Variants in RAPGEF4 observed in about 807,000 individuals in gnomAD.
RAPGEF4 encodes Rap guanine nucleotide exchange factor 4.
A neutral mutation model predicts 147.9 loss-of-function variants in RAPGEF4; 66 were observed. The ratio of observed to expected loss-of-function variants is 0.45; its 90% CI spans 0.37 to 0.55. The LOEUF (loss-of-function observed/expected upper bound fraction) is 0.55, where lower values mean the gene tolerates loss of function less well. Among genes scored for constraint, RAPGEF4 ranks in the 20% least tolerant of loss-of-function variants. The pLI, the probability that RAPGEF4 is intolerant of heterozygous loss-of-function variation, is 0.00. For synonymous variants in RAPGEF4, 419 were observed against 442.7 expected, an observed-to-expected ratio of 0.95 and a Z score of 0.67; for missense variants, 1,071 against 1,257.3, an observed-to-expected ratio of 0.85 and a Z score of 2.24.
At chr2:172,958,747 G>A (rs1688988174) in intron 6 of RAPGEF4, among the ~76,000 whole-genome samples, 1 of 152,204 alleles carries the variant, frequency 6.6e-6, no homozygotes, top group South Asian at 2.1e-4. Flanking sequence ...ATGCCAGCGA[G>A]GTGATGAAAA....
intron 4 of RAPGEF4, among the ~76,000 whole-genome samples, chr2:172,859,254 ATAAACC>A (rs1469380147): frequency 6.6e-6 from 1 of 152,230 alleles, no homozygotes; most frequent in Non-Finnish European, 1.5e-5. Context: ...AAATGAGAAA[ATAAACC>A]TAATATTACT....
At chr2:172,793,477 C>G (rs1686030775) in intron 1 of RAPGEF4, among the ~76,000 whole-genome samples, 1 of 152,166 alleles carries the variant, frequency 6.6e-6, no homozygotes, top group Non-Finnish European at 1.5e-5. Flanking sequence ...CCCAACATAA[C>G]TACAAAGGAG....
chr2:173,043,253 G>A (rs1473691335), intron 29 of RAPGEF4, among the ~76,000 whole-genome samples: 1 of 152,160 alleles, frequency 6.6e-6, no homozygotes, highest in Non-Finnish European at 1.5e-5. Flanking sequence ...GAATCAAATC[G>A]GTAGAGGCAG....
At chr2:173,015,002 A>G (rs1366047447) in intron 18 of RAPGEF4, among the ~76,000 whole-genome samples, 2 of 152,188 alleles carry the variant, frequency 1.3e-5, no homozygotes, top group African/African-American at 4.8e-5. Context: ...TCTAATGACC[A>G]TTGAGTAGCC....
chr2:173,027,384 C>T (rs1696765898), intron 25 of RAPGEF4, 125 bp downstream of exon 25: 1 of 699,532 alleles, frequency 1.4e-6, no homozygotes, highest in African/African-American at 1.8e-5. Context: ...AACACAGGGT[C>T]TTAGGAATAA....
intron 1 of RAPGEF4, among the ~76,000 whole-genome samples, chr2:172,768,441 T>G (rs1233329840): frequency 5.3e-5 from 8 of 151,940 alleles, no homozygotes; most frequent in Non-Finnish European, 8.8e-5. Flanking sequence ...ATCACATTTT[T>G]GAACAATTCC....
chr2:172,898,753 A>G (rs1229365262), intron 4 of RAPGEF4, among the ~76,000 whole-genome samples: 1 of 152,112 alleles, frequency 6.6e-6, no homozygotes, highest in African/African-American at 2.4e-5. Flanking sequence ...GCCGCCACAC[A>G]TCTGTCCTGA....
intron 6 of RAPGEF4, among the ~76,000 whole-genome samples, chr2:172,936,622 C>T (rs1412897944): frequency 2.0e-5 from 3 of 150,864 alleles, no homozygotes; most frequent in African/African-American, 7.3e-5. Context: ...TTTTAAATAG[C>T]TATTTGTACC....
intron 16 of RAPGEF4, among the ~76,000 whole-genome samples, chr2:172,997,715 TGAGCTCCATA>T (rs1693508620): frequency 6.6e-6 from 1 of 152,178 alleles, no homozygotes; most frequent in Admixed American, 6.5e-5. Flanking sequence ...TTAAGCACAT[TGAGCTCCATA>T]GAAGAGCCTT....
At chr2:172,830,771 TTTG>T (rs1348743281) in intron 4 of RAPGEF4, among the ~76,000 whole-genome samples, 2 of 152,324 alleles carry the variant, frequency 1.3e-5, no homozygotes, top group African/African-American at 4.8e-5. Flanking sequence ...ACCTGGTTAA[TTTG>T]TTGTTGTTAT....
intron 4 of RAPGEF4, among the ~76,000 whole-genome samples, chr2:172,888,185 T>C (rs1697462921): frequency 6.6e-6 from 1 of 152,186 alleles, no homozygotes. Context: ...GAGAAACACA[T>C]GCAGCAGTTG....
intron 4 of RAPGEF4, among the ~76,000 whole-genome samples, chr2:172,819,376 G>A (rs1189355477): frequency 1.3e-5 from 2 of 151,770 alleles, no homozygotes; most frequent in East Asian, 3.9e-4. Flanking sequence ...CAGAGATGGG[G>A]AGAGATAAAT....
intron 3 of RAPGEF4, among the ~76,000 whole-genome samples, chr2:172,811,138 T>C (rs1348883038): frequency 1.3e-5 from 2 of 152,216 alleles, no homozygotes; most frequent in African/African-American, 4.8e-5. Flanking sequence ...ACCACTGTCA[T>C]GGCAATGGTT....
chr2:172,840,126 C>T (rs1691419344), intron 4 of RAPGEF4, among the ~76,000 whole-genome samples: 1 of 152,176 alleles, frequency 6.6e-6, no homozygotes, highest in South Asian at 2.1e-4. Context: ...ATGGTCAGAG[C>T]ATCCCTGGGT....
chr2:172,809,941 G>A (rs1474129328), intron 3 of RAPGEF4, among the ~76,000 whole-genome samples: 2 of 152,120 alleles, frequency 1.3e-5, no homozygotes, highest in African/African-American at 4.8e-5. Flanking sequence ...TATTGGAATT[G>A]GAAGATTAGA....
chr2:172,883,884 T>G (rs1475056315), intron 4 of RAPGEF4, among the ~76,000 whole-genome samples: 1 of 152,168 alleles, frequency 6.6e-6, no homozygotes, highest in Non-Finnish European at 1.5e-5. Flanking sequence ...CTTCCTTACC[T>G]TGCATTTAGG....
At chr2:172,889,434 G>T (rs56287007) in intron 4 of RAPGEF4, among the ~76,000 whole-genome samples, 2,017 of 152,138 alleles carry the variant, frequency 0.013, 18 homozygotes, top group Non-Finnish European at 0.021. Flanking sequence ...ATTTACGAAC[G>T]GTTGCTAGAA....
chr2:172,936,347 ATAAG>A (rs1372137582), intron 6 of RAPGEF4, among the ~76,000 whole-genome samples: 3 of 152,152 alleles, frequency 2.0e-5, no homozygotes. Flanking sequence ...AGCCTGGACA[ATAAG>A]TGAGACTCTA....
intron 1 of RAPGEF4, among the ~76,000 whole-genome samples, chr2:172,743,936 A>G (rs1574662881): frequency 6.6e-6 from 1 of 152,248 alleles, no homozygotes; most frequent in South Asian, 2.1e-4. Context: ...AAAAAGCCCT[A>G]TTTCTCTAAA....
Sources: gnomAD v4.1 joint callset for allele counts (sites outside exome capture counted in the v4.1 genomes callset) on GRCh38, gnomAD v4.1.1 for gene constraint, MANE v1.5 for transcripts, NCBI Gene and HGNC (gene_info 2026-07-23, HGNC 2026-07-21) for gene names.